The following CNTN6 variants were observed in gnomAD, a reference collection of about 807,000 sequenced individuals.
CNTN6 encodes contactin 6, also known as contactin-6.
In CNTN6, 137 loss-of-function variants were observed where a neutral mutation model predicts 122.8. The ratio of observed to expected loss-of-function variants is 1.12; its 90% CI spans 0.97 to 1.29. The LOEUF (loss-of-function observed/expected upper bound fraction) is 1.29. CNTN6 is among the 50% of genes most tolerant of loss of function. The probability of loss-of-function intolerance (pLI) is 0.00; values close to 1 mark genes in which losing one functional copy is unlikely to be tolerated. For missense variants in CNTN6, 1,634 were observed against 1,223.4 expected (o/e 1.34, Z -5.01); for synonymous variants, 570 against 426.0 (o/e 1.34, Z -4.16).
At chr3:1,393,243 T>G (rs1694456846) in intron 20 of CNTN6, among the ~76,000 whole-genome samples, 1 of 96,094 alleles carries the variant, frequency 1.0e-5, no homozygotes, top group Non-Finnish European at 2.1e-5. Flanking sequence ...AATGATGAGT[T>G]CATGTCCTTT....
intron 1 of CNTN6, among the ~76,000 whole-genome samples, chr3:1,141,692 A>C (rs534799942): frequency 3.9e-5 from 6 of 152,322 alleles, no homozygotes; most frequent in African/African-American, 1.2e-4. Context: ...GTCCAAGTCC[A>C]TGTAACCTAG....
intron 4 of CNTN6, among the ~76,000 whole-genome samples, chr3:1,242,428 C>T (rs1031507963): frequency 2.2e-4 from 34 of 151,938 alleles, no homozygotes; most frequent in African/African-American, 7.3e-4. Flanking sequence ...AAGACTTGTC[C>T]GGTTTTTGGA....
In CNTN6 at chr3:1,108,794, G is replaced by C. The variant is rs186486872; in HGVS notation, c.-83+15674G>C. On this transcript the variant is annotated intron_variant, in intron 1 of 22. Transcript: ENST00000446702. Reference sequence around the variant, plus strand: ...TAACTAACTTTTTAGAAAAAGTTTTGAAATATTTAAAAGAAGTTAAGATTT... The same window carrying C: ...TAACTAACTTTTTAGAAAAAGTTTTCAAATATTTAAAAGAAGTTAAGATTT... Among the ~76,000 whole-genome samples the C allele has an allele frequency of 4.1e-3, 630 of 152,064 alleles. 8 individuals are homozygous for C. The highest frequency in any genetic ancestry group is 0.014 in the African/African-American group (597 of 41,514).
At chr3:1,385,480 A>G in intron 19 of CNTN6, 131 bp from the exon 20 acceptor site, 1 of 610,032 alleles carries the variant, frequency 1.6e-6, no homozygotes, top group Non-Finnish European at 2.7e-6. Flanking sequence ...TTTAATTAGA[A>G]AACGTTTTTG....
At chr3:1,276,650 C>T (rs1265909587) in intron 4 of CNTN6, among the ~76,000 whole-genome samples, 1 of 152,128 alleles carries the variant, frequency 6.6e-6, no homozygotes, top group Non-Finnish European at 1.5e-5. Context: ...GGAAGCAGTT[C>T]TTTCCCTCTG....
At chr3:1,270,895 T>TGTTG (rs2095014229) in intron 4 of CNTN6, among the ~76,000 whole-genome samples, 1 of 105,354 alleles carries the variant, frequency 9.5e-6, no homozygotes, top group South Asian at 2.6e-4. Flanking sequence ...ACTTTGTCTT[T>TGTTG]GTTTGTTTGT....
intron 7 of CNTN6, among the ~76,000 whole-genome samples, chr3:1,303,448 C>A (rs1697781426): frequency 1.3e-5 from 2 of 152,140 alleles, no homozygotes; most frequent in South Asian, 4.1e-4. Flanking sequence ...ACTGTTGGCT[C>A]TAGCTGTGGT....
chr3:1,131,358 C>G (rs1385104651), intron 1 of CNTN6, among the ~76,000 whole-genome samples: 1 of 152,080 alleles, frequency 6.6e-6, no homozygotes, highest in Non-Finnish European at 1.5e-5. Flanking sequence ...GAGCTATATG[C>G]AAGCTTCCAA....
intron 20 of CNTN6, among the ~76,000 whole-genome samples, chr3:1,398,709 C>A (rs977361654): frequency 7.3e-6 from 1 of 137,698 alleles, no homozygotes; most frequent in Non-Finnish European, 1.6e-5. Context: ...AGGAGTTATT[C>A]GTTTCATTTT....
intron 14 of CNTN6, 151 bp downstream of exon 14, chr3:1,373,106 G>C (rs921749507): frequency 1.4e-5 from 8 of 555,000 alleles, no homozygotes; most frequent in African/African-American, 3.9e-5. Flanking sequence ...GGACTCCATG[G>C]TATGGGTAGT....
At chr3:1,220,656 T>C in intron 2 of CNTN6, 31 bp from the exon 3 acceptor site, 1 of 1,572,104 alleles carries the variant, frequency 6.4e-7, no homozygotes, top group Non-Finnish European at 8.6e-7. Context: ...GCCACTTTTT[T>C]TTCATGTGAT....
intron 11 of CNTN6, among the ~76,000 whole-genome samples, chr3:1,345,304 C>T (rs999456922): frequency 5.3e-5 from 8 of 151,872 alleles, no homozygotes; most frequent in African/African-American, 1.7e-4. Context: ...TCAGTACAGA[C>T]GGGGTTTCAC....
intron 4 of CNTN6, among the ~76,000 whole-genome samples, chr3:1,253,244 C>G (rs538601075): frequency 2.0e-5 from 3 of 152,216 alleles, no homozygotes; most frequent in Non-Finnish European, 2.9e-5. Flanking sequence ...ATGTCCTTTA[C>G]CCTTGTGTTT....
chr3:1,175,222 C>CAA (rs61606722), intron 2 of CNTN6, among the ~76,000 whole-genome samples: 2,247 of 75,750 alleles, frequency 0.03, 48 homozygotes, highest in Non-Finnish European at 0.042. Flanking sequence ...GACTTTGTCT[C>CAA]AAAAAAAAAA....
intron 4 of CNTN6, among the ~76,000 whole-genome samples, chr3:1,245,766 AAAT>A (rs1323873897): frequency 6.6e-6 from 1 of 152,152 alleles, no homozygotes. Context: ...CAGCAAATAC[AAAT>A]AATAAAGAGT....
chr3:1,119,353 G>GTGTGTGTGTGTGTGTGTGTGTGTGT (rs377642286), intron 1 of CNTN6, among the ~76,000 whole-genome samples: 10 of 150,252 alleles, frequency 6.7e-5, no homozygotes, highest in Admixed American at 1.3e-4. Context: ...GTGTGTGTGT[G>GTGTGTGTGTGTGTGTGTGTGTGTGT]GAGAATGTCT....
intron 21 of CNTN6, 92 bp downstream of exon 21, chr3:1,401,637 T>G (rs898163372): frequency 3.2e-5 from 23 of 724,034 alleles, no homozygotes; most frequent in Non-Finnish European, 4.6e-6. Context: ...TGGATGCATA[T>G]GGAAACACTG....
At chr3:1,129,225 CA>C (rs1287181791) in intron 1 of CNTN6, among the ~76,000 whole-genome samples, 1 of 151,990 alleles carries the variant, frequency 6.6e-6, no homozygotes, top group East Asian at 1.9e-4. Context: ...GTATGATCAC[CA>C]AAAACTTCAG....
chr3:1,170,488 C>G (rs1360843116), intron 2 of CNTN6, among the ~76,000 whole-genome samples: 1 of 152,096 alleles, frequency 6.6e-6, no homozygotes, highest in Non-Finnish European at 1.5e-5. Context: ...AACACCCAAT[C>G]TCTACAGCCC....
Sources: gnomAD v4.1 joint callset for allele counts (sites outside exome capture counted in the v4.1 genomes callset) on GRCh38, gnomAD v4.1.1 for gene constraint, MANE v1.5 for transcripts, NCBI Gene and HGNC (gene_info 2026-07-23, HGNC 2026-07-21) for gene names.